The following IFT25 variants were observed in gnomAD, a reference collection of about 807,000 sequenced individuals.
IFT25 encodes the protein intraflagellar transport protein 25 homolog.
chr1:53,920,393 CTTT>C, the IFT25 span, among the ~76,000 whole-genome samples: 1 of 136,066 alleles, frequency 7.3e-6, no homozygotes. Flanking sequence ...TCAAATTGCC[CTTT>C]TTTTTTTTTT....
the IFT25 span, among the ~76,000 whole-genome samples, chr1:53,937,528 A>G: frequency 6.6e-6 from 1 of 152,240 alleles, no homozygotes; most frequent in Non-Finnish European, 1.5e-5. Flanking sequence ...CAGTAATTAC[A>G]TTATTCCATG....
At chr1:53,916,682 A>G in the IFT25 span, 1,157 of 318,476 alleles carry the variant, frequency 3.6e-3, 15 homozygotes, top group African/African-American at 0.024. Flanking sequence ...AAAGCCTGTG[A>G]TCTAGCCGTA....
the IFT25 span, among the ~76,000 whole-genome samples, chr1:53,944,725 T>C: frequency 6.6e-6 from 1 of 152,190 alleles, no homozygotes; most frequent in Non-Finnish European, 1.5e-5. Context: ...GGGCCGCAGT[T>C]TACCAAAGGT....
At chr1:53,924,045 T>C in the IFT25 span, 34 of 773,942 alleles carry the variant, frequency 4.4e-5, 1 homozygote, top group Non-Finnish European at 2.2e-6. Flanking sequence ...ATCTGGTAAA[T>C]TATGAGACCA....
the IFT25 span, among the ~76,000 whole-genome samples, chr1:53,913,675 C>T: frequency 6.6e-6 from 1 of 152,132 alleles, no homozygotes; most frequent in Non-Finnish European, 1.5e-5. Flanking sequence ...CCCTCTAACC[C>T]CCAAAATGCA....
the IFT25 span, among the ~76,000 whole-genome samples, chr1:53,931,602 C>G: frequency 6.6e-6 from 1 of 152,108 alleles, no homozygotes; most frequent in Non-Finnish European, 1.5e-5. Context: ...TTTTATAGGT[C>G]GAGCTTTACA....
chr1:53,911,791 C>T, the IFT25 span, among the ~76,000 whole-genome samples: 3 of 152,244 alleles, frequency 2.0e-5, no homozygotes, highest in Middle Eastern at 3.4e-3. Flanking sequence ...GATCAAGCTG[C>T]CTTGGTATCT....
the IFT25 span, among the ~76,000 whole-genome samples, chr1:53,936,623 T>G: frequency 1.3e-5 from 2 of 152,190 alleles, no homozygotes; most frequent in South Asian, 4.1e-4. Flanking sequence ...ATTATCCCCA[T>G]TTTTCAGATC....
At chr1:53,923,776 T>G in the IFT25 span, 3 of 655,618 alleles carry the variant, frequency 4.6e-6, no homozygotes, top group Non-Finnish European at 8.1e-6. Flanking sequence ...TAACTTTCTC[T>G]ACCGGTTGAT....
chr1:53,916,558 T>C, the IFT25 span: 10 of 182,232 alleles, frequency 5.5e-5, no homozygotes, highest in Admixed American at 3.1e-4. Context: ...ATTTAGAAAC[T>C]TGGCAAAAAG....
At chr1:53,934,907 G>A in the IFT25 span, among the ~76,000 whole-genome samples, 1 of 152,230 alleles carries the variant, frequency 6.6e-6, no homozygotes, top group African/African-American at 2.4e-5. Flanking sequence ...GCTGGGACAT[G>A]AGAATCACTT....
At chr1:53,914,935 A>G in the IFT25 span, among the ~76,000 whole-genome samples, 1 of 152,242 alleles carries the variant, frequency 6.6e-6, no homozygotes, top group African/African-American at 2.4e-5. Context: ...GACTTGGTAC[A>G]TGGTAAAAAG....
At chr1:53,921,225 C>T in the IFT25 span, among the ~76,000 whole-genome samples, 2 of 152,072 alleles carry the variant, frequency 1.3e-5, no homozygotes, top group African/African-American at 4.8e-5. Flanking sequence ...CAGGGCCCAC[C>T]TCAGGTTCCA....
At chr1:53,933,615 T>C in the IFT25 span, among the ~76,000 whole-genome samples, 1 of 152,254 alleles carries the variant, frequency 6.6e-6, no homozygotes, top group Non-Finnish European at 1.5e-5. Flanking sequence ...TATCTTTATA[T>C]TTAAAGTGCA....
chr1:53,943,716 C>G, the IFT25 span, among the ~76,000 whole-genome samples: 260 of 152,114 alleles, frequency 1.7e-3, no homozygotes, highest in Non-Finnish European at 3.3e-3. Flanking sequence ...GTCTGCCTCC[C>G]GGGCTCAAGC....
chr1:53,935,148 T>C, the IFT25 span, among the ~76,000 whole-genome samples: 4 of 152,274 alleles, frequency 2.6e-5, no homozygotes, highest in Middle Eastern at 3.4e-3. Context: ...ACTCCGTCTA[T>C]ACTAAAAATA....
chr1:53,944,807 T>A, the IFT25 span, among the ~76,000 whole-genome samples: 4 of 152,192 alleles, frequency 2.6e-5, no homozygotes, highest in African/African-American at 9.7e-5. Context: ...TGCCTTATCC[T>A]GTCTTCTAAA....
the IFT25 span, among the ~76,000 whole-genome samples, chr1:53,933,757 T>C: frequency 6.6e-6 from 1 of 152,244 alleles, no homozygotes; most frequent in Non-Finnish European, 1.5e-5. Context: ...TCTACCATCC[T>C]GCTATTCATT....
the IFT25 span, chr1:53,928,240 T>C: frequency 3.0e-6 from 2 of 671,902 alleles, no homozygotes; most frequent in African/African-American, 3.6e-5. Context: ...TGGGTCTTTC[T>C]AGACCCTAAA....
Sources: gnomAD v4.1 joint callset for allele counts (sites outside exome capture counted in the v4.1 genomes callset) on GRCh38, gnomAD v4.1.1 for gene constraint, MANE v1.5 for transcripts, NCBI Gene and HGNC (gene_info 2026-07-23, HGNC 2026-07-21) for gene names.